The following FAM118A variants were observed in gnomAD, a reference collection of about 807,000 sequenced individuals.
FAM118A encodes protein FAM118A.
In FAM118A, 25 loss-of-function variants were observed where a neutral mutation model predicts 38.2. The observed-to-expected ratio is 0.65, with a 90% confidence interval of 0.48 to 0.91. The LOEUF is 0.91. FAM118A is among the 40% of genes least tolerant of loss of function. The pLI is 0.00. For missense variants in FAM118A, 425 were observed against 463.3 expected (o/e 0.92, Z 0.76); for synonymous variants, 178 against 184.1 (o/e 0.97, Z 0.27).
At chr22:45,321,016 A>G (rs1442925709) in intron 1 of FAM118A, among the ~76,000 whole-genome samples, 1 of 152,342 alleles carries the variant, frequency 6.6e-6, no homozygotes, top group East Asian at 1.9e-4. Flanking sequence ...CATTACACTT[A>G]CATTTATGAA....
intron 3 of FAM118A, among the ~76,000 whole-genome samples, chr22:45,323,770 G>A (rs1300273969): frequency 6.6e-6 from 1 of 152,234 alleles, no homozygotes; most frequent in Non-Finnish European, 1.5e-5. Flanking sequence ...GGTGTAAGCA[G>A]GCCGGCCATA....
chr22:45,327,691 C>A (rs999187774), intron 3 of FAM118A, 151 bp from the exon 4 acceptor site: 2 of 741,318 alleles, frequency 2.7e-6, no homozygotes, highest in African/African-American at 1.7e-5. Flanking sequence ...ATCCCCTGTC[C>A]CCCTGCTCTG....
intron 8 of FAM118A, among the ~76,000 whole-genome samples, chr22:45,339,390 C>T (rs914695096): frequency 1.3e-5 from 2 of 152,162 alleles, no homozygotes; most frequent in African/African-American, 4.8e-5. Flanking sequence ...CAGAGCAAGA[C>T]TCCGTTTCAA....
At chr22:45,336,968 C>G (rs1411283733) in intron 8 of FAM118A, among the ~76,000 whole-genome samples, 1 of 152,228 alleles carries the variant, frequency 6.6e-6, no homozygotes, top group Non-Finnish European at 1.5e-5. Context: ...AACTATTTAT[C>G]TAAACAGTGT....
intron 1 of FAM118A, among the ~76,000 whole-genome samples, chr22:45,320,576 C>G (rs755540587): frequency 6.6e-6 from 1 of 152,058 alleles, no homozygotes; most frequent in Admixed American, 6.5e-5. Context: ...GCTGGGACTA[C>G]AGATGAGCAC....
intron 1 of FAM118A, among the ~76,000 whole-genome samples, chr22:45,319,431 G>C (rs1003909752): frequency 1.3e-5 from 2 of 152,188 alleles, no homozygotes; most frequent in African/African-American, 4.8e-5. Flanking sequence ...TTGAACAGGA[G>C]TGGCTCCCAA....
intron 5 of FAM118A, 45 bp from the exon 6 acceptor site, chr22:45,332,380 C>T (rs767076513): frequency 1.3e-6 from 2 of 1,574,494 alleles, no homozygotes; most frequent in East Asian, 2.2e-5. Context: ...TAAGCTCTTG[C>T]TGTCTTTCAA....
At position 45,332,618 on chromosome 22, in the gene FAM118A, G is replaced by T. The variant is rs2085802031; in HGVS notation, c.845G>T (p.Gly282Val). 6.2e-7 allele frequency: 1 copy of T among 1,614,092 alleles called. No individual in the cohort carries two copies. The highest frequency in any genetic ancestry group is 8.5e-7 in the Non-Finnish European group (1 of 1,180,044). ...FKHQADMLLH[G>V]IKVVSYGDCF... ...CATCAGGCAGATATGCTTCTGCACG[G>T]AATCAAAGTTGTATCCTACGGGGAC... Residue 282 changes from glycine (G) to valine (V), a missense_variant, in exon 6 of 9, where the codon GGA becomes GTA. Coordinates refer to ENST00000441876, the MANE Select transcript of FAM118A (RefSeq NM_017911.4).
At chr22:45,331,279 G>A (rs889106248) in intron 5 of FAM118A, among the ~76,000 whole-genome samples, 1 of 152,184 alleles carries the variant, frequency 6.6e-6, no homozygotes, top group South Asian at 2.1e-4. Flanking sequence ...AACTGGGATC[G>A]CACCACTGCA....
At chr22:45,316,614 A>G (rs1341715832) in intron 1 of FAM118A, among the ~76,000 whole-genome samples, 1 of 152,104 alleles carries the variant, frequency 6.6e-6, no homozygotes, top group Non-Finnish European at 1.5e-5. Flanking sequence ...TCCTTTAAGG[A>G]CATTCCAGTC....
chr22:45,337,177 C>A (rs2086165038), intron 8 of FAM118A, among the ~76,000 whole-genome samples: 2 of 152,354 alleles, frequency 1.3e-5, no homozygotes, highest in Middle Eastern at 3.4e-3. Context: ...TATCCCACCC[C>A]CTAGCCCGCT....
chr22:45,320,609 A>AT (rs976403042), intron 1 of FAM118A, among the ~76,000 whole-genome samples: 3 of 151,852 alleles, frequency 2.0e-5, no homozygotes, highest in Admixed American at 1.3e-4. Flanking sequence ...TAATTTTTGT[A>AT]TTTTTTGTAG....
chr22:45,328,723 C>T, intron 4 of FAM118A: 2 of 526,202 alleles, frequency 3.8e-6, no homozygotes, highest in Non-Finnish European at 6.9e-6. Flanking sequence ...GAGATGGTTG[C>T]AGTGAGCTGA....
chr22:45,322,018 C>G lies in FAM118A; in HGVS notation c.-9-353C>G, dbSNP rs138300229. The G allele has an allele frequency of 1.8e-3, 685 of 375,216 alleles. 6 individuals carry two copies. The highest frequency in any genetic ancestry group is 0.014 in the African/African-American group (643 of 47,346). 23.2% of individuals were successfully genotyped at this position (375,216 alleles called of 1,614,324 possible). A position where few individuals can be genotyped will look rare whatever the true frequency, so the allele number is the denominator to read the frequency against. ...GCTTCTCTGATAAGTCATCTGTGTT[C>G]ATGTGCACTGGAAATTCTTCTAGAG... On this transcript the variant is annotated intron_variant, in intron 1 of 8. Coordinates refer to ENST00000441876, the MANE Select transcript of FAM118A (RefSeq NM_017911.4).
At chr22:45,333,882 A>G (rs559544255) in intron 6 of FAM118A, among the ~76,000 whole-genome samples, 33 of 152,168 alleles carry the variant, frequency 2.2e-4, no homozygotes, top group Non-Finnish European at 4.4e-4. Flanking sequence ...ACAGCTGTGC[A>G]CACATGTATA....
At chr22:45,336,566 A>G (rs1022646918) in intron 8 of FAM118A, among the ~76,000 whole-genome samples, 155 bp downstream of exon 8, 1 of 152,144 alleles carries the variant, frequency 6.6e-6, no homozygotes, top group Non-Finnish European at 1.5e-5. Context: ...AGGCTTACTT[A>G]GCAGAGACCC....
chr22:45,337,793 C>G, intron 8 of FAM118A: 1 of 983,510 alleles, frequency 1.0e-6, no homozygotes, highest in Non-Finnish European at 1.2e-6. Flanking sequence ...CTTCTGCAGA[C>G]CCCAGTGTGG....
At position 45,341,491 on chromosome 22, in the gene FAM118A, C is replaced by T. The variant is rs1045225629; in HGVS notation, c.*1086C>T. 6.6e-6 allele frequency: 1 copy of T among 152,194 alleles called. No homozygotes were observed. The highest frequency in any genetic ancestry group is 1.5e-5 in the Non-Finnish European group (1 of 68,052). 9.4% of individuals were successfully genotyped at this position (152,194 alleles called of 1,614,324 possible). A position where few individuals can be genotyped will look rare whatever the true frequency, so the allele number is the denominator to read the frequency against. On this transcript the variant is annotated 3_prime_UTR_variant, in exon 9 of 9. Transcript: ENST00000441876. ...TAATATCCAGTCTTTCTGTTATTGTCTCTTAAAATTCTCTTCCATGGCCCA... is the reference window on the plus strand; with the variant it reads ...TAATATCCAGTCTTTCTGTTATTGTTTCTTAAAATTCTCTTCCATGGCCCA...
chr22:45,312,965 C>G (rs1859039189), intron 1 of FAM118A, among the ~76,000 whole-genome samples: 1 of 152,274 alleles, frequency 6.6e-6, no homozygotes, highest in Admixed American at 6.5e-5. Flanking sequence ...TCAACGTAAT[C>G]TTTAGCCCTC....
Sources: allele counts gnomAD v4.1 joint callset (sites outside exome capture counted in the v4.1 genomes callset), GRCh38; gene constraint gnomAD v4.1.1; transcripts MANE v1.5; gene names NCBI Gene and HGNC (gene_info 2026-07-23, HGNC 2026-07-21).